RPTOR: variants seen among roughly 807,000 people sequenced by gnomAD.
The protein encoded by RPTOR is regulatory associated protein of MTOR complex 1, also known as regulatory-associated protein of mTOR.
A neutral mutation model predicts 169.9 loss-of-function variants in RPTOR; 21 were observed. That is an observed-to-expected ratio of 0.12 (90% CI 0.09 to 0.18). The LOEUF (loss-of-function observed/expected upper bound fraction) is 0.18. RPTOR is among the 10% of genes least tolerant of loss of function. RPTOR has a pLI of 1.00. For synonymous variants in RPTOR, 732 were observed against 753.2 expected (o/e 0.97, Z 0.46); for missense variants, 1,133 against 1,855.9 (o/e 0.61, Z 7.16).
chr17:80,939,457 C>A (rs535748734), intron 24 of RPTOR, among the ~76,000 whole-genome samples: 2 of 152,376 alleles, frequency 1.3e-5, no homozygotes, highest in South Asian at 4.1e-4. Context: ...AGCAGCATGT[C>A]TAGCGTCTGC....
Position 80,721,543 on chromosome 17 carries a change from C to T in RPTOR, c.508-9017C>T, listed in dbSNP as rs747203451. Among the ~76,000 whole-genome samples, 59 of 151,398 alleles carry T rather than the reference C, an allele frequency of 3.9e-4. No homozygotes were observed. The highest frequency in any genetic ancestry group is 1.2e-3 in the Admixed American group (18 of 15,276). On this transcript the variant is annotated intron_variant, in intron 4 of 33. Transcript: ENST00000306801. This position sits in a 1 kb window ranked among gnomAD's most constrained non-coding sequence, Gnocchi z 4.7. ...CCTGGCTCACCCGGGGCCGTCAGGG[C>T]GCTGCAGTTTGCAGGAGCATCCTTT...
intron 7 of RPTOR, among the ~76,000 whole-genome samples, chr17:80,819,182 G>C (rs1031569411): frequency 3.7e-4 from 57 of 152,288 alleles, no homozygotes; most frequent in African/African-American, 1.2e-3. Flanking sequence ...GCATCACCAG[G>C]GCCAAGGATG....
intron 5 of RPTOR, chr17:80,743,479 G>T (rs950051689): frequency 4.1e-6 from 4 of 984,438 alleles, no homozygotes; most frequent in Non-Finnish European, 4.8e-6. Flanking sequence ...ACCCACTTGT[G>T]TGGGGAGCTC....
At chr17:80,890,799 G>A (rs914521901) in intron 17 of RPTOR, among the ~76,000 whole-genome samples, 1 of 152,124 alleles carries the variant, frequency 6.6e-6, no homozygotes, top group African/African-American at 2.4e-5. Context: ...AGGCTGGGGT[G>A]GGAAAGTGCG....
intron 33 of RPTOR, 53 bp from the exon 34 acceptor site, chr17:80,964,209 C>CCCCACG: frequency 7.5e-7 from 1 of 1,325,554 alleles, no homozygotes; most frequent in Admixed American, 1.7e-5. Context: ...CCCCGCCCCC[C>CCCCACG]GCAGTGTCTG....
chr17:80,862,014 C>T (rs941280050), intron 13 of RPTOR, among the ~76,000 whole-genome samples: 3 of 152,172 alleles, frequency 2.0e-5, no homozygotes, highest in South Asian at 4.1e-4. Flanking sequence ...AATGGCAGAA[C>T]GTGGCCATGA....
At chr17:80,873,054 C>T (rs1350070154) in intron 13 of RPTOR, among the ~76,000 whole-genome samples, 1 of 152,214 alleles carries the variant, frequency 6.6e-6, no homozygotes, top group Non-Finnish European at 1.5e-5. Context: ...CTGTCCCACA[C>T]TCTTTCGCTA....
chr17:80,764,117 G>GTTATTTTATT (rs71164002), intron 6 of RPTOR, among the ~76,000 whole-genome samples: 333 of 138,570 alleles, frequency 2.4e-3, no homozygotes, highest in Non-Finnish European at 3.7e-3. Context: ...GACTTCTTTT[G>GTTATTTTATT]TTATTTTATT....
At chr17:80,679,245 C>T (rs1049727345) in intron 3 of RPTOR, among the ~76,000 whole-genome samples, 3 of 152,158 alleles carry the variant, frequency 2.0e-5, no homozygotes, top group Non-Finnish European at 4.4e-5. Context: ...CCACTGCACT[C>T]CAGCCTGGGT....
intron 1 of RPTOR, among the ~76,000 whole-genome samples, chr17:80,612,968 A>G (rs1225712615): frequency 1.3e-5 from 2 of 152,256 alleles, no homozygotes; most frequent in Non-Finnish European, 2.9e-5. Context: ...GTATAGTTAT[A>G]AAAAGAACCT....
At position 80,959,938 on chromosome 17, in the gene RPTOR, A is replaced by G; in HGVS notation, c.3478-140A>G. The G allele has an allele frequency of 1.0e-6, 1 of 980,726 alleles. No individual in the cohort carries two copies. Among genetic ancestry groups the G allele is most frequent in the South Asian group, 1.5e-5 (1 of 65,964 alleles). 60.8% of individuals were successfully genotyped at this position (980,726 alleles called of 1,614,324 possible). A position where few individuals can be genotyped will look rare whatever the true frequency, so the allele number is the denominator to read the frequency against. On this transcript the variant is annotated intron_variant, in intron 29 of 33. Coordinates refer to ENST00000306801, the MANE Select transcript of RPTOR (RefSeq NM_020761.3). This position sits in a 1 kb window ranked among gnomAD's most constrained non-coding sequence, Gnocchi z 6.7. ...CCCCAGGCCTTTGATGCTTCCCTGG[A>G]TAGAGAGAAAGGCCCCTGCAGCCAG...
chr17:80,905,476 G>A (rs1367100543), intron 20 of RPTOR, among the ~76,000 whole-genome samples: 1 of 151,074 alleles, frequency 6.6e-6, no homozygotes, highest in African/African-American at 2.4e-5. Context: ...GGCACCTGTA[G>A]TCCCAGCTCC....
At chr17:80,720,773 G>GCCATC (rs2066278847) in intron 4 of RPTOR, among the ~76,000 whole-genome samples, 2 of 151,726 alleles carry the variant, frequency 1.3e-5, no homozygotes, top group African/African-American at 2.4e-5. Context: ...GGCCCTCCCT[G>GCCATC]AGCCTCTGCT....
intron 3 of RPTOR, among the ~76,000 whole-genome samples, chr17:80,678,541 A>G (rs954806466): frequency 3.3e-5 from 5 of 152,276 alleles, no homozygotes; most frequent in African/African-American, 9.6e-5. Flanking sequence ...GGTTAAGGCC[A>G]TGTGTACTAG....
At chr17:80,604,296 C>T (rs1462665473) in intron 1 of RPTOR, among the ~76,000 whole-genome samples, 1 of 152,192 alleles carries the variant, frequency 6.6e-6, no homozygotes, top group Admixed American at 6.5e-5. Context: ...CTTTTCTGAG[C>T]TTATGTGCTG....
At position 80,685,717 on chromosome 17, in the gene RPTOR, C is replaced by T. The variant is rs553861990; in HGVS notation, c.349-22124C>T. On this transcript the variant is annotated intron_variant, in intron 3 of 33. Transcript: ENST00000306801. ...CCTCATGGAATGATTTATATTTCCA[C>T]GACTTTTAATTCCTAGTGACAGCTG... Among the ~76,000 whole-genome samples, 106 of 136,830 alleles carry T rather than the reference C, an allele frequency of 7.7e-4. 1 individual carries two copies. The highest frequency in any genetic ancestry group is 2.9e-3 in the African/African-American group (104 of 35,712). The allele number at this position is 136,830 out of a possible 152,430, so 89.8% of individuals were successfully genotyped here. A position where few individuals can be genotyped will look rare whatever the true frequency, so the allele number is the denominator to read the frequency against.
chr17:80,863,643 C>T (rs754582829), intron 13 of RPTOR, among the ~76,000 whole-genome samples: 36 of 152,192 alleles, frequency 2.4e-4, no homozygotes, highest in Non-Finnish European at 3.4e-4. Context: ...CGGTTAGGCA[C>T]GGGGCTCACG....
chr17:80,936,754 G>A lies in RPTOR; in HGVS notation c.2920-3742G>A, dbSNP rs573276669. Reference sequence around the variant, plus strand: ...CATCTTCATCAACCTCATGTTGCGGGGAGAAGAAACTCTTTTCCCTCTTGT... The same window carrying A: ...CATCTTCATCAACCTCATGTTGCGGAGAGAAGAAACTCTTTTCCCTCTTGT... On this transcript the variant is annotated intron_variant, in intron 24 of 33. Transcript: ENST00000306801. This position sits in a 1 kb window ranked among gnomAD's most constrained non-coding sequence, Gnocchi z 4.1. 6.6e-6 allele frequency among the ~76,000 whole-genome samples: 1 copy of A among 152,336 alleles called. No homozygotes were observed. Among genetic ancestry groups the A allele is most frequent in the South Asian group, 2.1e-4 (1 of 4,826 alleles).
At chr17:80,864,509 A>ATT (rs201024553) in intron 13 of RPTOR, among the ~76,000 whole-genome samples, 2 of 152,242 alleles carry the variant, frequency 1.3e-5, no homozygotes, top group Non-Finnish European at 2.9e-5. Flanking sequence ...AGACAGAGAA[A>ATT]GAGAAAAAAC....
Sources: gnomAD v4.1 joint callset for allele counts (sites outside exome capture counted in the v4.1 genomes callset) on GRCh38, gnomAD v4.1.1 for gene constraint, Gnocchi (gnomAD v3.1) non-coding constraint, MANE v1.5 for transcripts, NCBI Gene and HGNC (gene_info 2026-07-23, HGNC 2026-07-21) for gene names.